The following PABPC4L variants were observed in gnomAD, a reference collection of about 807,000 sequenced individuals.
PABPC4L encodes the protein poly(A) binding protein cytoplasmic 4 like.
For missense variants in PABPC4L, 452 were observed against 451.4 expected (o/e 1.00, Z -0.01); for synonymous variants, 169 against 164.1 (o/e 1.03, Z -0.23).
chr4:134,140,619 A>T, the PABPC4L span, among the ~76,000 whole-genome samples: 2 of 151,860 alleles, frequency 1.3e-5, no homozygotes, highest in East Asian at 3.9e-4. Context: ...TTGCTTAATT[A>T]GTTGTCTCAC....
At chr4:134,021,280 C>T in the PABPC4L span, among the ~76,000 whole-genome samples, 3 of 152,024 alleles carry the variant, frequency 2.0e-5, no homozygotes, top group Admixed American at 6.6e-5. Context: ...ATCAAAAGAG[C>T]AACTGGGGGC....
At chr4:133,968,930 T>C in the PABPC4L span, among the ~76,000 whole-genome samples, 3 of 152,198 alleles carry the variant, frequency 2.0e-5, no homozygotes, top group African/African-American at 7.2e-5. Flanking sequence ...AATGTTTTAG[T>C]TTAAAATGGC....
At chr4:134,019,178 A>G in the PABPC4L span, among the ~76,000 whole-genome samples, 1 of 152,260 alleles carries the variant, frequency 6.6e-6, no homozygotes, top group Non-Finnish European at 1.5e-5. Flanking sequence ...TGAGAGAAGG[A>G]ATCTGTTTGT....
chr4:134,038,208 G>T, the PABPC4L span, among the ~76,000 whole-genome samples: 1 of 152,086 alleles, frequency 6.6e-6, no homozygotes, highest in African/African-American at 2.4e-5. Context: ...TTGATGTGCT[G>T]CTGGATTTGG....
chr4:134,024,743 G>GA, the PABPC4L span, among the ~76,000 whole-genome samples: 1 of 47,028 alleles, frequency 2.1e-5, no homozygotes, highest in Non-Finnish European at 3.5e-5. Flanking sequence ...TTTTTTAAAA[G>GA]ATTTTTTTTA....
chr4:134,088,590 T>C, the PABPC4L span, among the ~76,000 whole-genome samples: 2 of 151,892 alleles, frequency 1.3e-5, no homozygotes, highest in Non-Finnish European at 2.9e-5. Flanking sequence ...CTCTAGTGGA[T>C]GGGATTAGGG....
chr4:134,142,843 T>C, the PABPC4L span, among the ~76,000 whole-genome samples: 2 of 151,622 alleles, frequency 1.3e-5, no homozygotes, highest in South Asian at 2.1e-4. Flanking sequence ...AAGACACTTA[T>C]ATAAAAGAAA....
chr4:134,176,471 C>T, the PABPC4L span, among the ~76,000 whole-genome samples: 2 of 151,832 alleles, frequency 1.3e-5, no homozygotes, highest in Non-Finnish European at 2.9e-5. Context: ...GACCCTGCCT[C>T]TTCAAATAAT....
At chr4:133,992,853 CA>C in the PABPC4L span, among the ~76,000 whole-genome samples, 2 of 152,190 alleles carry the variant, frequency 1.3e-5, no homozygotes, top group East Asian at 3.9e-4. Flanking sequence ...CAGCATCCCC[CA>C]GGTGATGTTC....
the PABPC4L span, among the ~76,000 whole-genome samples, chr4:134,091,370 A>G: frequency 0.19 from 28,261 of 151,746 alleles, 3,262 homozygotes; most frequent in Admixed American, 0.25. Context: ...TAGCCCGGAG[A>G]TTTAAAATGC....
At chr4:134,041,925 T>TATC in the PABPC4L span, among the ~76,000 whole-genome samples, 1 of 152,066 alleles carries the variant, frequency 6.6e-6, no homozygotes, top group Non-Finnish European at 1.5e-5. Flanking sequence ...CACTAATAAG[T>TATC]ATCTACCCAC....
chr4:134,069,450 G>A, the PABPC4L span, among the ~76,000 whole-genome samples: 2 of 151,840 alleles, frequency 1.3e-5, no homozygotes, highest in African/African-American at 4.8e-5. Flanking sequence ...TCTCTTTCAG[G>A]GACATCAATG....
the PABPC4L span, among the ~76,000 whole-genome samples, chr4:133,977,090 A>G: frequency 6.6e-6 from 1 of 152,080 alleles, no homozygotes; most frequent in Non-Finnish European, 1.5e-5. Flanking sequence ...TAATTTTTGT[A>G]TAAGGTATAA....
chr4:134,109,448 A>G, the PABPC4L span, among the ~76,000 whole-genome samples: 2 of 151,822 alleles, frequency 1.3e-5, no homozygotes, highest in African/African-American at 2.4e-5. Context: ...AGATGAATCC[A>G]GGTGATACAA....
the PABPC4L span, among the ~76,000 whole-genome samples, chr4:134,162,439 C>T: frequency 6.6e-6 from 1 of 152,192 alleles, no homozygotes; most frequent in South Asian, 2.1e-4. Flanking sequence ...ACTCCACTGA[C>T]AGCAGTAGAC....
the PABPC4L span, among the ~76,000 whole-genome samples, chr4:133,977,069 C>A: frequency 5.3e-5 from 8 of 152,042 alleles, no homozygotes; most frequent in Non-Finnish European, 1.2e-4. Flanking sequence ...AGTATTTAAT[C>A]CATCTTGAGT....
the PABPC4L span, among the ~76,000 whole-genome samples, chr4:133,958,898 G>A: frequency 2.6e-5 from 4 of 152,252 alleles, no homozygotes; most frequent in Non-Finnish European, 5.9e-5. Flanking sequence ...TAGCAATGCA[G>A]AGAAGAAACT....
chr4:134,075,587 C>T, the PABPC4L span, among the ~76,000 whole-genome samples: 1 of 151,948 alleles, frequency 6.6e-6, no homozygotes, highest in African/African-American at 2.4e-5. Flanking sequence ...AACATATTCC[C>T]CCAAGCGGAC....
the PABPC4L span, among the ~76,000 whole-genome samples, chr4:134,078,399 G>A: frequency 4.6e-5 from 7 of 152,224 alleles, no homozygotes; most frequent in African/African-American, 1.7e-4. Flanking sequence ...AAAGGAAAGT[G>A]GTTATTCAAA....
Sources: gnomAD v4.1 joint callset for allele counts (sites outside exome capture counted in the v4.1 genomes callset) on GRCh38, gnomAD v4.1.1 for gene constraint, MANE v1.5 for transcripts, NCBI Gene and HGNC (gene_info 2026-07-23, HGNC 2026-07-21) for gene names.